RREB1: variants seen among roughly 807,000 people sequenced by gnomAD.
RREB1 encodes ras responsive element binding protein 1.
RREB1 carries 27 observed loss-of-function variants against 117.8 expected under a neutral mutation model. That is an observed-to-expected ratio of 0.23 (90% CI 0.17 to 0.32). The LOEUF (loss-of-function observed/expected upper bound fraction) is 0.32, where lower values mean the gene tolerates loss of function less well. Among genes scored for constraint, RREB1 ranks in the 10% least tolerant of loss-of-function variants. RREB1 has a pLI of 1.00. For synonymous variants in RREB1, 1,298 were observed against 1,026.7 expected (o/e 1.26, Z -5.05); for missense variants, 2,577 against 2,378.2 (o/e 1.08, Z -1.74).
intron 11 of RREB1, among the ~76,000 whole-genome samples, chr6:7,244,028 G>A (rs754808864): frequency 7.2e-5 from 11 of 152,264 alleles, no homozygotes; most frequent in South Asian, 2.1e-4. Flanking sequence ...TTTAGAGGCC[G>A]AGGAAGGTGG....
intron 1 of RREB1, among the ~76,000 whole-genome samples, chr6:7,122,934 A>G (rs1290214341): frequency 6.6e-6 from 1 of 152,136 alleles, no homozygotes; most frequent in Admixed American, 6.5e-5. Flanking sequence ...TAACCCATCC[A>G]CAGCTACTTA....
intron 1 of RREB1, among the ~76,000 whole-genome samples, chr6:7,149,308 A>G (rs756990235): frequency 2.0e-5 from 3 of 152,228 alleles, no homozygotes; most frequent in Non-Finnish European, 2.9e-5. Flanking sequence ...AGCAAATGAT[A>G]CCAAAGATCC....
chr6:7,140,097 A>C (rs1313019723), intron 1 of RREB1, among the ~76,000 whole-genome samples: 1 of 152,232 alleles, frequency 6.6e-6, no homozygotes, highest in Non-Finnish European at 1.5e-5. Context: ...TTGAGAATTT[A>C]GGGGAAAGAC....
intron 1 of RREB1, among the ~76,000 whole-genome samples, chr6:7,116,099 A>G (rs1761384804): frequency 6.6e-6 from 1 of 152,224 alleles, no homozygotes; most frequent in Non-Finnish European, 1.5e-5. Context: ...CATCAGAACT[A>G]AAGCCGTGCG....
chr6:7,232,296 G>A (rs1768042309), intron 10 of RREB1, among the ~76,000 whole-genome samples: 1 of 152,190 alleles, frequency 6.6e-6, no homozygotes, highest in Non-Finnish European at 1.5e-5. Context: ...TAAGGTATTG[G>A]GGCATAATGA....
rs192679973 is a variant in RREB1, at chr6:7,192,555, T to A, written c.425+3233T>A. On this transcript the variant is annotated intron_variant, in intron 6 of 12. Transcript: ENST00000379938. Reference sequence around the variant, plus strand: ...TGTGTCTTTCTAGGAATTTTGGATATTTCATCAAGTGATATAATTGGTTGG... The same window carrying A: ...TGTGTCTTTCTAGGAATTTTGGATAATTCATCAAGTGATATAATTGGTTGG... 1.5e-3 allele frequency among the ~76,000 whole-genome samples: 223 copies of A among 152,336 alleles called. 2 individuals carry two copies. The highest frequency in any genetic ancestry group is 1.6e-4 in the Non-Finnish European group (11 of 68,040).
chr6:7,185,121 CAGAA>C (rs1436722328), intron 4 of RREB1: 1 of 152,198 alleles, frequency 6.6e-6, no homozygotes, highest in Admixed American at 6.5e-5. Context: ...CATTATACCT[CAGAA>C]AGAACTAGAA....
chr6:7,205,870 T>C (rs1292566049), intron 6 of RREB1, among the ~76,000 whole-genome samples: 3 of 152,202 alleles, frequency 2.0e-5, no homozygotes, highest in Non-Finnish European at 4.4e-5. Flanking sequence ...GCCATTTAAG[T>C]TGAAAATCAG....
chr6:7,231,147 C>A lies in RREB1; in HGVS notation c.3048C>A (p.Val1016=). ...TGCAGGGCCCTGTTCAGCTGGCGGT[C>A]CCAATCTACTCCTCAGCCCTGGTCA... ...QPLQGPVQLA[V]PIYSSALVSS... The change falls in exon 10 of 13, where the codon GTC becomes GTA. Residue 1016 remains valine (V), a synonymous_variant. Coordinates refer to ENST00000379938, the MANE Select transcript of RREB1 (RefSeq NM_001003699.4). 1 of 1,612,454 alleles carries A rather than the reference C, an allele frequency of 6.2e-7. No homozygotes were observed. The highest frequency in any genetic ancestry group is 8.5e-7 in the Non-Finnish European group (1 of 1,179,838).
chr6:7,181,423 ATT>A (rs2113529488), intron 3 of RREB1, 177 bp downstream of exon 3: 2 of 412,368 alleles, frequency 4.9e-6, no homozygotes, highest in Non-Finnish European at 8.4e-6. Context: ...GAATCACTGT[ATT>A]GCAGCAGTGG....
At chr6:7,124,659 T>C (rs551357944) in intron 1 of RREB1, among the ~76,000 whole-genome samples, 1 of 152,220 alleles carries the variant, frequency 6.6e-6, no homozygotes, top group Non-Finnish European at 1.5e-5. Context: ...AGGCTTTTCA[T>C]GTAGAAATAC....
At chr6:7,108,781 C>G (rs1760974975) in intron 1 of RREB1, 1 of 151,582 alleles carries the variant, frequency 6.6e-6, no homozygotes, top group Admixed American at 6.6e-5. Context: ...CCGCCGCGCC[C>G]TGCTCTGCGG....
chr6:7,135,626 C>A (rs1462539380), intron 1 of RREB1, among the ~76,000 whole-genome samples: 1 of 152,192 alleles, frequency 6.6e-6, no homozygotes, highest in Non-Finnish European at 1.5e-5. Context: ...TGCCTCATTT[C>A]TGATGTGCTT....
Position 7,229,113 on chromosome 6 carries a change from T to C in RREB1, c.1014T>C (p.His338=), listed in dbSNP as rs2714315. Residue 338 remains histidine, a synonymous_variant, in exon 10 of 13, where the codon CAT becomes CAC. Coordinates refer to ENST00000379938, the MANE Select transcript of RREB1 (RefSeq NM_001003699.4). The surrounding 1 kb of genome is among the most constrained non-coding windows in gnomAD (Gnocchi z 4.5). ...LCSLALHKQT[H]VAADQGQEKP... Reference sequence around the variant, plus strand: ...CACTGGCTCTGCACAAGCAGACCCATGTGGCGGCAGACCAGGGTCAAGAAA... The same window carrying C: ...CACTGGCTCTGCACAAGCAGACCCACGTGGCGGCAGACCAGGGTCAAGAAA... 0.33 allele frequency: 529,228 copies of C among 1,606,414 alleles called. 94,885 individuals carry two copies. Among genetic ancestry groups the C allele is most frequent in the African/African-American group, 0.71 (53,178 of 74,792 alleles).
intron 1 of RREB1, among the ~76,000 whole-genome samples, chr6:7,131,738 C>T (rs1762164092): frequency 6.6e-6 from 1 of 152,164 alleles, no homozygotes; most frequent in African/African-American, 2.4e-5. Flanking sequence ...GGTAGGATTA[C>T]AAGTGTAAGC....
chr6:7,208,107 T>TA (rs1241379899), intron 6 of RREB1, among the ~76,000 whole-genome samples: 1 of 152,162 alleles, frequency 6.6e-6, no homozygotes. Context: ...GCGTGGAAAT[T>TA]AGACAAATTA....
intron 12 of RREB1, 142 bp from the exon 13 acceptor site, chr6:7,248,368 CA>C: frequency 1.5e-6 from 1 of 669,474 alleles, no homozygotes; most frequent in African/African-American, 1.8e-5. Flanking sequence ...TTTGCTGGTT[CA>C]AGGAAGAGGC....
chr6:7,202,682 A>G (rs1261592150), intron 6 of RREB1, among the ~76,000 whole-genome samples: 2 of 152,128 alleles, frequency 1.3e-5, no homozygotes, highest in East Asian at 1.9e-4. Context: ...GCTGCATGTA[A>G]ATGTTGAGGA....
rs70978941 is a variant in RREB1 at position 7,117,388 on chromosome 6, G to GTTTTTTTTTTT, written c.-285+9355_-285+9365dup. ...GGTGAACCATGTGAATAGGTTTCCT[G>GTTTTTTTTTTT]TTTTTTTTTTTTTTTTTTTTTTTTT... is the stretch of plus-strand genomic sequence containing the variant. On this transcript the variant is annotated intron_variant, in intron 1 of 12. Coordinates refer to ENST00000379938, the MANE Select transcript of RREB1 (RefSeq NM_001003699.4). Among the ~76,000 whole-genome samples, 52 of 63,292 alleles carry GTTTTTTTTTTT rather than the reference G, an allele frequency of 8.2e-4. 8 individuals carry two copies. Among genetic ancestry groups the GTTTTTTTTTTT allele is most frequent in the East Asian group, 2.0e-3 (2 of 976 alleles). The allele number at this position is 63,292 out of a possible 152,430, so 41.5% of individuals were successfully genotyped here.
Sources: gnomAD v4.1 joint callset for allele counts (sites outside exome capture counted in the v4.1 genomes callset) on GRCh38, gnomAD v4.1.1 for gene constraint, Gnocchi (gnomAD v3.1) non-coding constraint, MANE v1.5 for transcripts, NCBI Gene and HGNC (gene_info 2026-07-23, HGNC 2026-07-21) for gene names.